The following HSPA12A variants were observed in gnomAD, a reference collection of about 807,000 sequenced individuals.
HSPA12A encodes heat shock 70 kDa protein 12A.
In HSPA12A, 28 loss-of-function variants were observed where a neutral mutation model predicts 69.2. The observed-to-expected ratio is 0.40, with a 90% confidence interval of 0.30 to 0.55. The LOEUF (loss-of-function observed/expected upper bound fraction) is 0.55, where lower values mean the gene tolerates loss of function less well. HSPA12A is among the 20% of genes least tolerant of loss of function. HSPA12A has a pLI of 0.38. For missense variants in HSPA12A, 686 were observed against 900.7 expected (o/e 0.76, Z 3.05); for synonymous variants, 345 against 370.5 (o/e 0.93, Z 0.79).
At chr10:116,761,214 G>A (rs10736261) in intron 2 of HSPA12A, among the ~76,000 whole-genome samples, 99,635 of 151,844 alleles carry the variant, frequency 0.66, 35,408 homozygotes, top group South Asian at 0.79. Context: ...GGCTGGGAGC[G>A]GTGGCTCATG....
At chr10:116,848,017 G>C (rs191811494) in intron 1 of HSPA12A, among the ~76,000 whole-genome samples, 102 of 152,306 alleles carry the variant, frequency 6.7e-4, no homozygotes, top group African/African-American at 2.2e-3. Context: ...GAACATAGGA[G>C]AGAAGCAGGT....
upstream of HSPA12A, among the ~76,000 whole-genome samples, chr10:116,850,667 G>T (rs1343400884): frequency 6.6e-6 from 1 of 152,040 alleles, no homozygotes. Context: ...TGATATAAAG[G>T]ATGTTCCGCG....
intron 1 of HSPA12A, among the ~76,000 whole-genome samples, chr10:116,839,977 T>C (rs79388377): frequency 0.012 from 1,816 of 151,918 alleles, 43 homozygotes; most frequent in African/African-American, 0.041. Context: ...CCCTAGTGAA[T>C]TGGGGTTGAA....
chr10:116,706,688 G>A (rs1850263386), intron 2 of HSPA12A, among the ~76,000 whole-genome samples: 2 of 152,126 alleles, frequency 1.3e-5, no homozygotes, highest in Non-Finnish European at 2.9e-5. Context: ...GGGAGCAACA[G>A]CCCCATCTCT....
intron 10 of HSPA12A, 109 bp downstream of exon 10, chr10:116,679,394 C>T (rs1363041700): frequency 6.6e-6 from 9 of 1,356,780 alleles, no homozygotes; most frequent in Admixed American, 2.0e-5. Context: ...CAAGGTCATA[C>T]AGCAAGTGTG....
At chr10:116,738,117 G>C (rs1554886607) in intron 1 of HSPA12A, among the ~76,000 whole-genome samples, 1 of 152,226 alleles carries the variant, frequency 6.6e-6, no homozygotes, top group Non-Finnish European at 1.5e-5. Flanking sequence ...TATATGAAAA[G>C]AGAGCATTTC....
intron 2 of HSPA12A, among the ~76,000 whole-genome samples, chr10:116,811,579 T>TAAAAAAAAAAA (rs60912684): frequency 1.9e-5 from 2 of 105,928 alleles, no homozygotes; most frequent in African/African-American, 3.7e-5. Flanking sequence ...TTGCTTTTGT[T>TAAAAAAAAAAA]AAAAAAAAAA....
At chr10:116,835,429 G>A (rs1281265657) in intron 1 of HSPA12A, among the ~76,000 whole-genome samples, 1 of 152,168 alleles carries the variant, frequency 6.6e-6, no homozygotes, top group African/African-American at 2.4e-5. Context: ...ATGACGCCGA[G>A]ACTCTGTCCT....
intron 1 of HSPA12A, among the ~76,000 whole-genome samples, chr10:116,841,214 C>T (rs544221204): frequency 6.1e-4 from 93 of 152,302 alleles, no homozygotes; most frequent in African/African-American, 1.8e-3. Flanking sequence ...CCTATTCTTT[C>T]GTATCCCCCA....
intron 2 of HSPA12A, among the ~76,000 whole-genome samples, chr10:116,818,137 T>C (rs79668399): frequency 0.011 from 1,636 of 152,314 alleles, 23 homozygotes; most frequent in African/African-American, 0.034. Flanking sequence ...TAGGAAGACA[T>C]CTGACCACCT....
chr10:116,815,259 A>G (rs1488453637), intron 2 of HSPA12A, among the ~76,000 whole-genome samples: 5 of 150,808 alleles, frequency 3.3e-5, no homozygotes, highest in African/African-American at 4.9e-5. Flanking sequence ...AAAAAAAAAA[A>G]AAAAAAAAAA....
At chr10:116,676,695 A>G (rs1398812027) in intron 10 of HSPA12A, among the ~76,000 whole-genome samples, 193 bp from the exon 11 acceptor site, 2 of 152,202 alleles carry the variant, frequency 1.3e-5, no homozygotes, top group Non-Finnish European at 2.9e-5. Context: ...AAGCTAAGAC[A>G]TAATCTCTTC....
chr10:116,760,449 G>A (rs1843943605), intron 2 of HSPA12A, among the ~76,000 whole-genome samples: 1 of 152,112 alleles, frequency 6.6e-6, no homozygotes, highest in Non-Finnish European at 1.5e-5. Context: ...CTGACTAGCT[G>A]TGTGACCTTA....
At chr10:116,835,622 T>G (rs967052029) in intron 1 of HSPA12A, among the ~76,000 whole-genome samples, 4 of 152,238 alleles carry the variant, frequency 2.6e-5, no homozygotes, top group Non-Finnish European at 5.9e-5. Context: ...TTCCCTCTGC[T>G]GGCTCCTAAA....
intron 2 of HSPA12A, among the ~76,000 whole-genome samples, chr10:116,705,910 T>C (rs1360568220): frequency 6.6e-6 from 1 of 150,712 alleles, no homozygotes; most frequent in Non-Finnish European, 1.5e-5. Flanking sequence ...TTTTTTTTTT[T>C]TTTGAGACGG....
intron 6 of HSPA12A, among the ~76,000 whole-genome samples, chr10:116,690,969 C>T (rs1554880091): frequency 2.0e-5 from 3 of 152,216 alleles, no homozygotes; most frequent in Non-Finnish European, 4.4e-5. Flanking sequence ...AGCTGTGTCC[C>T]GATGCCCCAT....
intron 2 of HSPA12A, among the ~76,000 whole-genome samples, chr10:116,797,999 T>C (rs972049404): frequency 6.6e-6 from 1 of 152,072 alleles, no homozygotes; most frequent in Admixed American, 6.5e-5. Context: ...AACACAGCCA[T>C]GGGAACTTCT....
intron 2 of HSPA12A, among the ~76,000 whole-genome samples, chr10:116,820,212 T>A (rs1006081855): frequency 1.5e-4 from 23 of 152,178 alleles, no homozygotes; most frequent in African/African-American, 4.6e-4. Flanking sequence ...CAAAATATTT[T>A]AAAAAATTAA....
upstream of HSPA12A, among the ~76,000 whole-genome samples, chr10:116,745,611 C>G (rs1589681673): frequency 6.6e-6 from 1 of 152,306 alleles, no homozygotes; most frequent in East Asian, 1.9e-4. Context: ...TCCTGCTGGT[C>G]ACTCCAGCTT....
Sources: allele counts gnomAD v4.1 joint callset (sites outside exome capture counted in the v4.1 genomes callset), GRCh38; gene constraint gnomAD v4.1.1; transcripts MANE v1.5; gene names NCBI Gene and HGNC (gene_info 2026-07-23, HGNC 2026-07-21).